The following MTSS1 variants were observed in gnomAD, a reference collection of about 807,000 sequenced individuals.
The protein encoded by MTSS1 is protein MTSS 1.
Under a neutral mutation model 79.0 loss-of-function variants are expected in MTSS1, and 18 were observed. That is an observed-to-expected ratio of 0.23 (90% confidence interval 0.16 to 0.34). MTSS1 has a LOEUF of 0.34. Ranked by LOEUF, MTSS1 falls within the 10% of genes least tolerant of loss-of-function variation. The pLI is 1.00. For synonymous variants in MTSS1, 341 were observed against 368.6 expected, an observed-to-expected ratio of 0.93 and a Z score of 0.86; for missense variants, 815 against 986.2, an observed-to-expected ratio of 0.83 and a Z score of 2.33.
chr8:124,702,265 G>A (rs1829808791), intron 2 of MTSS1, among the ~76,000 whole-genome samples: 1 of 152,184 alleles, frequency 6.6e-6, no homozygotes, highest in African/African-American at 2.4e-5. Context: ...ACAGGATAAA[G>A]ATGAAGCTAC....
intron 6 of MTSS1, chr8:124,580,340 C>T (rs1027702105): frequency 9.1e-6 from 5 of 549,316 alleles, no homozygotes; most frequent in East Asian, 9.1e-5. Flanking sequence ...GTGCTAACAT[C>T]GTAAATGGCT....
chr8:124,706,511 C>A (rs1214663157), intron 1 of MTSS1, among the ~76,000 whole-genome samples: 1 of 152,256 alleles, frequency 6.6e-6, no homozygotes, highest in East Asian at 1.9e-4. Context: ...TGCCTTCATG[C>A]ATTGGAGACC....
chr8:124,674,069 T>C (rs1228647487), intron 3 of MTSS1, among the ~76,000 whole-genome samples: 1 of 152,224 alleles, frequency 6.6e-6, no homozygotes, highest in Non-Finnish European at 1.5e-5. Context: ...GGCTCTTCCC[T>C]GAACCTTTCC....
At chr8:124,709,245 A>T (rs192443728) in intron 1 of MTSS1, among the ~76,000 whole-genome samples, 1 of 152,252 alleles carries the variant, frequency 6.6e-6, no homozygotes. Context: ...TTAGAAAGCA[A>T]TTCCCCAACT....
chr8:124,671,990 C>T (rs908170475), intron 3 of MTSS1, among the ~76,000 whole-genome samples: 23 of 152,168 alleles, frequency 1.5e-4, no homozygotes, highest in African/African-American at 5.3e-4. Flanking sequence ...TGTTTCCATG[C>T]ATAGCAAGTA....
Position 124,707,602 on chromosome 8 carries a change from G to A in MTSS1, c.73-3411C>T, listed in dbSNP as rs767527982. On this transcript the variant is annotated intron_variant, in intron 1 of 13. Coordinates refer to ENST00000518547, the MANE Select transcript of MTSS1 (RefSeq NM_014751.6). ...CAGGCACCTGTAATCCCAGCTACTCGGGAGGCTGAAGCAGAGAATTGCTTG... is the reference window on the plus strand; with the variant it reads ...CAGGCACCTGTAATCCCAGCTACTCAGGAGGCTGAAGCAGAGAATTGCTTG... Among the ~76,000 whole-genome samples, 8 of 152,106 alleles carry A rather than the reference G, an allele frequency of 5.3e-5. No homozygotes were observed. The South Asian group carries it at 1.0e-3, about 20-fold the overall frequency.
intron 3 of MTSS1, among the ~76,000 whole-genome samples, chr8:124,669,858 G>T (rs1246059721): frequency 6.6e-6 from 1 of 152,158 alleles, no homozygotes; most frequent in African/African-American, 2.4e-5. Flanking sequence ...TGGTACGCGC[G>T]TCTTGCTCCT....
chr8:124,614,471 G>C (rs1467188643), intron 3 of MTSS1, among the ~76,000 whole-genome samples: 1 of 152,168 alleles, frequency 6.6e-6, no homozygotes, highest in African/African-American at 2.4e-5. Context: ...CCTCATCATG[G>C]GCATGGAAAA....
Position 124,553,683 on chromosome 8 carries a change from T to C in MTSS1, c.1577A>G (p.Tyr526Cys). Residue 526 changes from tyrosine (Y) to cysteine (C), a missense_variant, in exon 14 of 14, where the codon TAT (tyrosine) becomes TGT (cysteine). By Grantham distance (194) the Tyr-to-Cys change is radical (BLOSUM62 -2). Transcript: ENST00000518547. The surrounding 1 kb of genome is among the most constrained non-coding windows in gnomAD (Gnocchi z 6.0). ...EDTIPSQVSD[Y>C]DYFSVSGDQE... is the part of the protein sequence containing the mutation. ...GTCACCACTTACAGAGAAATAATCA[T>C]AATCTGAAACTGATTATAGGATTTG... is the stretch of plus-strand genomic sequence containing the variant. The C allele has an allele frequency of 6.2e-7, 1 of 1,608,736 alleles. No individual in the cohort carries two copies. Among genetic ancestry groups the C allele is most frequent in the Non-Finnish European group, 8.5e-7 (1 of 1,176,494 alleles).
intron 1 of MTSS1, among the ~76,000 whole-genome samples, chr8:124,709,779 A>C (rs1045074855): frequency 6.6e-5 from 10 of 152,128 alleles, no homozygotes; most frequent in Non-Finnish European, 1.3e-4. Flanking sequence ...CACACTCCCC[A>C]CACACACCAC....
intron 3 of MTSS1, among the ~76,000 whole-genome samples, chr8:124,669,138 A>G (rs1231253640): frequency 6.6e-6 from 1 of 152,236 alleles, no homozygotes; most frequent in Non-Finnish European, 1.5e-5. Flanking sequence ...TACACACACC[A>G]AAAATACAAT....
At chr8:124,652,421 C>T (rs925870460) in intron 3 of MTSS1, among the ~76,000 whole-genome samples, 1 of 152,166 alleles carries the variant, frequency 6.6e-6, no homozygotes, top group African/African-American at 2.4e-5. Context: ...CTGCCTCAGC[C>T]TCCCAAAGTG....
In MTSS1 at chr8:124,585,179, A is replaced by G. The variant is rs1026837664; in HGVS notation, c.386-18T>C. On this transcript the variant is annotated intron_variant, in intron 5 of 13. Coordinates refer to ENST00000518547, the MANE Select transcript of MTSS1 (RefSeq NM_014751.6). ...CTTATATTCTAAGAGAAAGCAGAAT[A>G]TGGAACAATTTTACCACTTTGCTTA... is the stretch of plus-strand genomic sequence containing the variant. 1.3e-6 allele frequency: 2 copies of G among 1,593,248 alleles called. No homozygotes were observed. The highest frequency in any genetic ancestry group is 8.6e-7 in the Non-Finnish European group (1 of 1,165,284).
intron 3 of MTSS1, among the ~76,000 whole-genome samples, chr8:124,647,004 C>T (rs1210334869): frequency 6.6e-6 from 1 of 152,128 alleles, no homozygotes; most frequent in Admixed American, 6.5e-5. Context: ...TGCCACCATA[C>T]CCAGCTAATT....
At chr8:124,713,522 C>A (rs1272578171) in intron 1 of MTSS1, among the ~76,000 whole-genome samples, 2 of 152,160 alleles carry the variant, frequency 1.3e-5, no homozygotes. Flanking sequence ...CTATGAGGTT[C>A]AAGAGATTCT....
chr8:124,698,668 C>T (rs746579850), intron 3 of MTSS1, among the ~76,000 whole-genome samples: 3 of 152,026 alleles, frequency 2.0e-5, no homozygotes, highest in Non-Finnish European at 4.4e-5. Flanking sequence ...CGTGCCACCA[C>T]GCCTGGCTAA....
chr8:124,623,583 A>C (rs1814037475), intron 3 of MTSS1, among the ~76,000 whole-genome samples: 1 of 152,232 alleles, frequency 6.6e-6, no homozygotes, highest in African/African-American at 2.4e-5. Flanking sequence ...TTTGGCCTAA[A>C]AAAACCAAAG....
intron 6 of MTSS1, among the ~76,000 whole-genome samples, chr8:124,572,874 G>A (rs1004550729): frequency 7.4e-6 from 1 of 135,124 alleles, no homozygotes; most frequent in African/African-American, 3.0e-5. Context: ...AGCCACCCAA[G>A]TAGCTGGGAT....
Position 124,568,348 on chromosome 8 carries a change from T to G in MTSS1, c.618+31A>C, listed in dbSNP as rs772275494. On this transcript the variant is annotated intron_variant, in intron 7 of 13. Coordinates refer to ENST00000518547, the MANE Select transcript of MTSS1 (RefSeq NM_014751.6). ...AGGAAGCCACCTCTACACCAGCAGTTTAAACCTTCTGGAGTTTTCCATTAA... is the reference window on the plus strand; with the variant it reads ...AGGAAGCCACCTCTACACCAGCAGTGTAAACCTTCTGGAGTTTTCCATTAA... 6.9e-6 allele frequency: 11 copies of G among 1,604,434 alleles called. No individual in the cohort carries two copies. In the Admixed American group the frequency reaches 1.7e-4, roughly 25 times the overall value.
Sources: allele counts gnomAD v4.1 joint callset (sites outside exome capture counted in the v4.1 genomes callset), GRCh38; gene constraint gnomAD v4.1.1; non-coding constraint Gnocchi (gnomAD v3.1); transcripts MANE v1.5; gene names NCBI Gene and HGNC (gene_info 2026-07-23, HGNC 2026-07-21).